The following CSMD1 variants were observed in gnomAD, a reference collection of about 807,000 sequenced individuals.
CSMD1 encodes the protein CUB and Sushi multiple domains 1, also known as CUB and sushi domain-containing protein 1.
Under a neutral mutation model 417.5 loss-of-function variants are expected in CSMD1, and 213 were observed. The ratio of observed to expected loss-of-function variants is 0.51; its 90% CI spans 0.46 to 0.57. CSMD1 has a LOEUF of 0.57. Among genes scored for constraint, CSMD1 ranks in the 20% least tolerant of loss-of-function variants. The pLI is 0.00. For missense variants in CSMD1, 6,923 were observed against 4,529.7 expected, an observed-to-expected ratio of 1.53 and a Z score of -15.17; for synonymous variants, 2,862 against 1,736.8, an observed-to-expected ratio of 1.65 and a Z score of -16.11.
intron 25 of CSMD1, among the ~76,000 whole-genome samples, chr8:3,296,552 C>G (rs976544584): frequency 1.3e-5 from 2 of 152,122 alleles, no homozygotes; most frequent in Non-Finnish European, 2.9e-5. Context: ...TGCTTGCTTG[C>G]TCTGTTGACA....
At chr8:4,846,935 T>A (rs1801180308) in intron 1 of CSMD1, among the ~76,000 whole-genome samples, 2 of 152,300 alleles carry the variant, frequency 1.3e-5, no homozygotes, top group African/African-American at 2.4e-5. Context: ...AACAGGCTAT[T>A]CATTGGGAGA....
intron 3 of CSMD1, among the ~76,000 whole-genome samples, chr8:4,408,357 G>A (rs1027338520): frequency 7.9e-5 from 12 of 152,150 alleles, no homozygotes; most frequent in African/African-American, 2.9e-4. Context: ...TGGAAAGGGC[G>A]TATCATCCTC....
intron 3 of CSMD1, among the ~76,000 whole-genome samples, chr8:4,256,369 T>C (rs574624467): frequency 1.7e-4 from 26 of 152,286 alleles, no homozygotes; most frequent in East Asian, 5.8e-4. Context: ...AATGAATACA[T>C]TGCTCTGATT....
chr8:4,486,898 G>T (rs936949289), intron 2 of CSMD1, among the ~76,000 whole-genome samples: 7 of 152,096 alleles, frequency 4.6e-5, no homozygotes, highest in Admixed American at 4.6e-4. Flanking sequence ...GCAAGAAGAA[G>T]GGGGAATTAG....
At chr8:3,374,022 G>A (rs1436590079) in intron 18 of CSMD1, among the ~76,000 whole-genome samples, 2 of 149,362 alleles carry the variant, frequency 1.3e-5, no homozygotes, top group Non-Finnish European at 3.0e-5. Context: ...GTGAGATCTT[G>A]GCTCACTGCA....
At position 4,347,205 on chromosome 8, in the gene CSMD1, G is replaced by C. The variant is rs192426096; in HGVS notation, c.415+72748C>G. Among the ~76,000 whole-genome samples, 3 of 152,194 alleles carry C rather than the reference G, an allele frequency of 2.0e-5. No homozygotes were observed. In the East Asian group the frequency reaches 5.8e-4, roughly 30 times the overall value. On this transcript the variant is annotated intron_variant, in intron 3 of 69. Coordinates refer to ENST00000635120, the MANE Select transcript of CSMD1 (RefSeq NM_033225.6). Reference sequence around the variant, plus strand: ...TTTACTCCTAACTTATTAATCTTGAGTTAGAAATACTTGGAAATTACATCA... The same window carrying C: ...TTTACTCCTAACTTATTAATCTTGACTTAGAAATACTTGGAAATTACATCA...
intron 3 of CSMD1, among the ~76,000 whole-genome samples, chr8:4,087,031 T>C (rs771733179): frequency 6.6e-6 from 1 of 152,180 alleles, no homozygotes; most frequent in Non-Finnish European, 1.5e-5. Flanking sequence ...TGGAATTAAG[T>C]TCCTCCCCAG....
intron 5 of CSMD1, among the ~76,000 whole-genome samples, chr8:3,920,362 T>C (rs1418209000): frequency 6.6e-6 from 1 of 151,866 alleles, no homozygotes; most frequent in Non-Finnish European, 1.5e-5. Context: ...TGTGTGTTTG[T>C]GTGTGTGTGT....
At chr8:4,471,775 G>T (rs376632755) in intron 2 of CSMD1, among the ~76,000 whole-genome samples, 4 of 152,120 alleles carry the variant, frequency 2.6e-5, no homozygotes, top group East Asian at 1.9e-4. Context: ...TCACAAAGGA[G>T]ACTGAGGAGC....
At chr8:4,912,332 T>C (rs1805746419) in intron 1 of CSMD1, among the ~76,000 whole-genome samples, 1 of 147,592 alleles carries the variant, frequency 6.8e-6, no homozygotes, top group Non-Finnish European at 1.5e-5. Flanking sequence ...GAGGGAAGAA[T>C]TTCTTACATT....
intron 6 of CSMD1, among the ~76,000 whole-genome samples, chr8:3,730,370 A>ATTT (rs374243053): frequency 0.28 from 36,225 of 131,694 alleles, 6,575 homozygotes; most frequent in Non-Finnish European, 0.36. Flanking sequence ...TTAAGGAGCG[A>ATTT]TTTTTTTTTT....
chr8:3,736,960 C>G (rs1251820547), intron 6 of CSMD1, among the ~76,000 whole-genome samples: 1 of 152,202 alleles, frequency 6.6e-6, no homozygotes, highest in Admixed American at 6.5e-5. Flanking sequence ...GCCCTCTCCC[C>G]TACCTCCTGT....
chr8:3,474,206 G>A (rs904702075), intron 11 of CSMD1, among the ~76,000 whole-genome samples: 1 of 152,082 alleles, frequency 6.6e-6, no homozygotes. Context: ...AGGTTTATTG[G>A]CATTAGCTAA....
intron 3 of CSMD1, among the ~76,000 whole-genome samples, chr8:4,363,462 C>G (rs971747908): frequency 6.6e-6 from 1 of 152,168 alleles, no homozygotes; most frequent in Admixed American, 6.5e-5. Flanking sequence ...CCAGCTCTAT[C>G]TTCCCCACCA....
At chr8:3,210,077 A>T (rs1442400364) in intron 30 of CSMD1, among the ~76,000 whole-genome samples, 2 of 152,194 alleles carry the variant, frequency 1.3e-5, no homozygotes, top group African/African-American at 4.8e-5. Context: ...AAAATGCACC[A>T]ACTGCATCCC....
chr8:4,252,278 G>C (rs1275420988), intron 3 of CSMD1, among the ~76,000 whole-genome samples: 1 of 152,206 alleles, frequency 6.6e-6, no homozygotes, highest in East Asian at 1.9e-4. Context: ...TTTCCTGTGA[G>C]TTGTCTTCTG....
At chr8:4,137,205 A>T (rs535658538) in intron 3 of CSMD1, among the ~76,000 whole-genome samples, 3 of 152,216 alleles carry the variant, frequency 2.0e-5, no homozygotes, top group African/African-American at 4.8e-5. Flanking sequence ...TCTTGCCTGG[A>T]AACAGTTGCC....
intron 4 of CSMD1, among the ~76,000 whole-genome samples, chr8:4,009,819 T>G (rs566714879): frequency 5.5e-4 from 83 of 152,170 alleles, no homozygotes; most frequent in African/African-American, 1.9e-3. Context: ...CCTCCTGTTC[T>G]CAGAGAGTCA....
intron 2 of CSMD1, among the ~76,000 whole-genome samples, chr8:4,574,764 C>G (rs778815051): frequency 6.6e-6 from 1 of 152,162 alleles, no homozygotes; most frequent in Non-Finnish European, 1.5e-5. Flanking sequence ...TGATGAAGCA[C>G]AATGAAAGCA....
Sources: allele counts gnomAD v4.1 joint callset (sites outside exome capture counted in the v4.1 genomes callset), GRCh38; gene constraint gnomAD v4.1.1; transcripts MANE v1.5; gene names NCBI Gene and HGNC (gene_info 2026-07-23, HGNC 2026-07-21).